The following WNT9A variants were observed in gnomAD, a reference collection of about 807,000 sequenced individuals.
WNT9A encodes protein Wnt-9a.
A neutral mutation model predicts 31.4 loss-of-function variants in WNT9A; 8 were observed. The ratio of observed to expected loss-of-function variants is 0.26; its 90% CI spans 0.15 to 0.46. The LOEUF is 0.46. Among genes scored for constraint, WNT9A ranks in the 20% least tolerant of loss-of-function variants. The pLI, the probability that WNT9A is intolerant of heterozygous loss-of-function variation, is 0.99. For missense variants in WNT9A, 457 were observed against 522.9 expected, an observed-to-expected ratio of 0.87 and a Z score of 1.23; for synonymous variants, 236 against 220.1, an observed-to-expected ratio of 1.07 and a Z score of -0.64.
At chr1:227,947,666 A>T (rs1177229486) in intron 1 of WNT9A, 127 bp downstream of exon 1, 98 of 392,932 alleles carry the variant, frequency 2.5e-4, no homozygotes, top group Non-Finnish European at 6.4e-5. Flanking sequence ...AAACAGCGCC[A>T]GGCAACCCGG....
At position 227,919,247 on chromosome 1, in the gene WNT9A, G is replaced by C. The variant is rs1033149590; in HGVS notation, c.*2271C>G. The C allele has an allele frequency of 4.6e-5, 7 of 152,212 alleles. No individual in the cohort carries two copies. The highest frequency in any genetic ancestry group is 1.7e-4 in the African/African-American group (7 of 41,440). 9.4% of individuals were successfully genotyped at this position (152,212 alleles called of 1,614,324 possible). A position where few individuals can be genotyped will look rare whatever the true frequency, so the allele number is the denominator to read the frequency against. ...GGCCAGCTATGCTGCTCAGGGACCA[G>C]TGGATGCGGACACTGCAGAGGGCAG... On this transcript the variant is annotated 3_prime_UTR_variant, in exon 4 of 4. Coordinates refer to ENST00000272164, the MANE Select transcript of WNT9A (RefSeq NM_003395.4).
At chr1:227,947,349 G>C (rs1357694272) in intron 1 of WNT9A, among the ~76,000 whole-genome samples, 1 of 152,176 alleles carries the variant, frequency 6.6e-6, no homozygotes, top group Non-Finnish European at 1.5e-5. Flanking sequence ...GGAACATCTG[G>C]ATTTTGTACG....
In WNT9A at chr1:227,921,380, A is replaced by G. The variant is rs1239573381; in HGVS notation, c.*138T>C. On this transcript the variant is annotated 3_prime_UTR_variant, in exon 4 of 4. Coordinates refer to ENST00000272164, the MANE Select transcript of WNT9A (RefSeq NM_003395.4). ...ACTCAGCCCATGCAGGTGTAGACCC[A>G]TTCACACTGTGTGCAATGCCTGTAC... 2 of 1,378,772 alleles carry G rather than the reference A, an allele frequency of 1.5e-6. No homozygotes were observed. The highest frequency in any genetic ancestry group is 2.0e-6 in the Non-Finnish European group (2 of 1,022,138). The allele number at this position is 1,378,772 out of a possible 1,614,324, so 85.4% of individuals were successfully genotyped here.
At chr1:227,927,473 TC>T in intron 1 of WNT9A, among the ~76,000 whole-genome samples, 1 of 151,950 alleles carries the variant, frequency 6.6e-6, no homozygotes, top group Non-Finnish European at 1.5e-5. Flanking sequence ...TGCAGGCAGG[TC>T]CCCTCAAATG....
chr1:227,924,259 C>G lies in WNT9A; in HGVS notation c.494G>C (p.Trp165Ser). ...CTTAAGGTTGTCTCCGCAGCCCCCCCACTGCCAGGCCTCACGGTTCTCCAG... is the reference window on the plus strand; with the variant it reads ...CTTAAGGTTGTCTCCGCAGCCCCCCGACTGCCAGGCCTCACGGTTCTCCAG... ...PDLENREAWQWGGCGDNLKYS... is the reference protein window; with the variant it reads ...PDLENREAWQSGGCGDNLKYS... Residue 165 changes from tryptophan to serine, a missense_variant, in exon 3 of 4, where the codon TGG becomes TCG. By Grantham distance (177) the Trp-to-Ser change is radical. Coordinates refer to ENST00000272164, the MANE Select transcript of WNT9A (RefSeq NM_003395.4). 3 of 1,613,896 alleles carry G rather than the reference C, an allele frequency of 1.9e-6. No individual in the cohort carries two copies. Among genetic ancestry groups the G allele is most frequent in the Non-Finnish European group, 2.5e-6 (3 of 1,179,996 alleles).
chr1:227,934,160 T>G (rs776462914), intron 1 of WNT9A, among the ~76,000 whole-genome samples: 1 of 152,188 alleles, frequency 6.6e-6, no homozygotes. Flanking sequence ...CATTCACACA[T>G]GTGTTTGTGT....
chr1:227,927,471 G>A (rs71650368), intron 1 of WNT9A, among the ~76,000 whole-genome samples: 6,672 of 152,310 alleles, frequency 0.044, 197 homozygotes, highest in South Asian at 0.079. Context: ...AGTGCAGGCA[G>A]GTCCCCTCAA....
At chr1:227,922,461 T>C (rs532844873) in intron 3 of WNT9A, among the ~76,000 whole-genome samples, 17 of 152,304 alleles carry the variant, frequency 1.1e-4, no homozygotes, top group African/African-American at 2.9e-4. Flanking sequence ...GCAACCTCCC[T>C]ACCCCTAATA....
intron 1 of WNT9A, among the ~76,000 whole-genome samples, chr1:227,939,288 C>A (rs1666653402): frequency 6.6e-6 from 1 of 152,216 alleles, no homozygotes; most frequent in Admixed American, 6.5e-5. Flanking sequence ...TGGAAGCTGG[C>A]CGCGGTGGTC....
intron 1 of WNT9A, among the ~76,000 whole-genome samples, chr1:227,946,977 G>T (rs540279160): frequency 6.6e-6 from 1 of 152,358 alleles, no homozygotes; most frequent in African/African-American, 2.4e-5. Context: ...CCGGGGCGCT[G>T]CCTCGCACGG....
At chr1:227,943,994 AAAAAC>A (rs1666756514) in intron 1 of WNT9A, among the ~76,000 whole-genome samples, 1 of 152,028 alleles carries the variant, frequency 6.6e-6, no homozygotes, top group African/African-American at 2.4e-5. Flanking sequence ...AAAACAAAAC[AAAAAC>A]ATCACATGCA....
chr1:227,938,050 T>C (rs1666624669), intron 1 of WNT9A, among the ~76,000 whole-genome samples: 1 of 152,158 alleles, frequency 6.6e-6, no homozygotes. Flanking sequence ...ATTCTCTCCT[T>C]AGCGGGTCCT....
At chr1:227,924,113 A>AC in intron 3 of WNT9A, 25 bp downstream of exon 3, 1 of 574,378 alleles carries the variant, frequency 1.7e-6, no homozygotes, top group Non-Finnish European at 2.4e-6. Context: ...CTCCCTTCCC[A>AC]CCCCGCCAGC....
rs1666724709 is a variant in WNT9A at position 227,942,550 on chromosome 1, C to T, written c.95+5243G>A. 6.6e-6 allele frequency among the ~76,000 whole-genome samples: 1 copy of T among 152,134 alleles called. No homozygotes were observed. The highest frequency in any genetic ancestry group is 2.1e-4 in the South Asian group (1 of 4,832). ...TCTCCTCTCCATGCTAAGAAGTCCC[C>T]AGGGAGTCCCCTGGCCCCCAGGGCC... On this transcript the variant is annotated intron_variant, in intron 1 of 3. Coordinates refer to ENST00000272164, the MANE Select transcript of WNT9A (RefSeq NM_003395.4). This position sits in a 1 kb window ranked among gnomAD's most constrained non-coding sequence, Gnocchi z 5.7.
chr1:227,930,262 G>A (rs909319038), intron 1 of WNT9A, among the ~76,000 whole-genome samples: 7 of 152,178 alleles, frequency 4.6e-5, no homozygotes, highest in African/African-American at 1.7e-4. Context: ...GGTGTGCTCA[G>A]TGGACAAGCA....
Position 227,921,975 on chromosome 1 carries a change from G to A in WNT9A, c.641C>T (p.Thr214Ile), listed in dbSNP as rs756741753. The change falls in exon 4 of 4, where the codon ACC (threonine) becomes ATC (isoleucine). Residue 214 changes from threonine (T) to isoleucine (I), a missense_variant. Transcript: ENST00000272164. ...GCCTGACACGCCGTGGCACTTGCAG[G>A]TGGTCTCCACCCCAGCCTTGATCAC... is the stretch of plus-strand genomic sequence containing the variant. Reference protein sequence around the residue: ...VKVIKAGVETTCKCHGVSGSC... With the variant: ...VKVIKAGVETICKCHGVSGSC... 49 of 1,610,314 alleles carry A rather than the reference G, an allele frequency of 3.0e-5. No individual in the cohort carries two copies. Among genetic ancestry groups the A allele is most frequent in the Middle Eastern group, 1.6e-4 (1 of 6,076 alleles).
intron 1 of WNT9A, among the ~76,000 whole-genome samples, chr1:227,935,430 G>A (rs1666578332): frequency 6.6e-6 from 1 of 152,226 alleles, no homozygotes; most frequent in African/African-American, 2.4e-5. Flanking sequence ...CACAGATTCA[G>A]GTCATGCTGC....
rs1217650726 is a variant in WNT9A, at chr1:227,924,342, C to T, written c.411G>A (p.Leu137=). The part of the protein sequence containing the change: ...AISSAGLTHA[L]AKACSAGRME... ...TGCGGCCCGCGCTGCACGCCTTGGC[C>T]AGTGCGTGCGTCAGGCCAGCCGAGG... Residue 137 remains leucine (L), a synonymous_variant, in exon 3 of 4, where the codon CTG becomes CTA. Transcript: ENST00000272164. 6.8e-6 allele frequency: 11 copies of T among 1,613,490 alleles called. No individual in the cohort carries two copies. Among genetic ancestry groups the T allele is most frequent in the African/African-American group, 1.3e-5 (1 of 74,940 alleles).
intron 1 of WNT9A, among the ~76,000 whole-genome samples, chr1:227,929,579 A>C (rs1249770823): frequency 8.5e-5 from 13 of 152,206 alleles, no homozygotes. Context: ...CACGCATGTA[A>C]ACCCAGAACT....
Sources: allele counts gnomAD v4.1 joint callset (sites outside exome capture counted in the v4.1 genomes callset), GRCh38; gene constraint gnomAD v4.1.1; non-coding constraint Gnocchi (gnomAD v3.1); transcripts MANE v1.5; gene names NCBI Gene and HGNC (gene_info 2026-07-23, HGNC 2026-07-21).